The following CARM1 variants were observed in gnomAD, a reference collection of about 807,000 sequenced individuals.
CARM1 encodes histone-arginine methyltransferase CARM1.
In CARM1, 14 loss-of-function variants were observed where a neutral mutation model predicts 72.7. The observed-to-expected ratio is 0.19, with a 90% CI of 0.13 to 0.30. The LOEUF is 0.30. CARM1 is among the 10% of genes least tolerant of loss of function. CARM1 has a pLI of 1.00. For missense variants in CARM1, 432 were observed against 833.7 expected, an observed-to-expected ratio of 0.52 and a Z score of 5.93; for synonymous variants, 333 against 345.5, an observed-to-expected ratio of 0.96 and a Z score of 0.40.
chr19:10,919,240 T>C (rs1167004445), intron 8 of CARM1: 1 of 215,800 alleles, frequency 4.6e-6, no homozygotes, highest in Non-Finnish European at 9.2e-6. Flanking sequence ...CACGTCCGCA[T>C]GGTCTTTGAT....
intron 1 of CARM1, among the ~76,000 whole-genome samples, chr19:10,890,774 CATATATATAT>C (rs1396281380): frequency 3.1e-5 from 2 of 63,614 alleles, no homozygotes; most frequent in African/African-American, 1.4e-4. Flanking sequence ...TACACACACA[CATATATATAT>C]ATATATATAT....
At chr19:10,872,381 G>A (rs912950649) in intron 1 of CARM1, among the ~76,000 whole-genome samples, 4 of 152,114 alleles carry the variant, frequency 2.6e-5, no homozygotes, top group African/African-American at 4.8e-5. Flanking sequence ...GGGACCCCCT[G>A]GATAGCTCAG....
rs780073853 is a variant in CARM1 at position 10,916,261 on chromosome 19, G to A, written c.848-146G>A. 1.5e-5 allele frequency: 9 copies of A among 611,158 alleles called. No homozygotes were observed. The highest frequency in any genetic ancestry group is 2.8e-5 in the East Asian group (1 of 36,194). The allele number at this position is 611,158 out of a possible 1,614,324, so 37.9% of individuals were successfully genotyped here. A position where few individuals can be genotyped will look rare whatever the true frequency, so the allele number is the denominator to read the frequency against. ...GAAACACTGATCAGAATAGGCGCTCGGTGCCACTGTCACAGGAGTGCAGGA... is the reference window on the plus strand; with the variant it reads ...GAAACACTGATCAGAATAGGCGCTCAGTGCCACTGTCACAGGAGTGCAGGA... On this transcript the variant is annotated intron_variant, in intron 6 of 15. Transcript: ENST00000327064. The surrounding 1 kb of genome is among the most constrained non-coding windows in gnomAD (Gnocchi z 4.4).
At chr19:10,872,733 G>A (rs1162060471) in intron 1 of CARM1, among the ~76,000 whole-genome samples, 1 of 150,252 alleles carries the variant, frequency 6.7e-6, no homozygotes, top group Non-Finnish European at 1.5e-5. Context: ...CCCCACCCCC[G>A]CTCCCAGTCT....
At chr19:10,882,022 C>T (rs140828480) in intron 1 of CARM1, among the ~76,000 whole-genome samples, 16 of 152,226 alleles carry the variant, frequency 1.1e-4, no homozygotes, top group South Asian at 2.1e-4. Context: ...AGGGCAGAGT[C>T]GTGCTTGTGG....
chr19:10,892,913 T>A (rs1451428040), intron 1 of CARM1, among the ~76,000 whole-genome samples: 2 of 152,000 alleles, frequency 1.3e-5, no homozygotes, highest in Non-Finnish European at 2.9e-5. Context: ...TTTGTATTTT[T>A]CGGTAAAGAT....
chr19:10,916,569 G>A lies in CARM1; in HGVS notation c.938+72G>A. ...TCAGGGACAGCCCCAGCTCCCCAGA[G>A]AGCCTGCACTCCTCTTTTTCTGAAA... On this transcript the variant is annotated intron_variant, in intron 7 of 15. Coordinates refer to ENST00000327064, the MANE Select transcript of CARM1 (RefSeq NM_199141.2). This position sits in a 1 kb window ranked among gnomAD's most constrained non-coding sequence, Gnocchi z 4.4. 1 of 1,416,304 alleles carries A rather than the reference G, an allele frequency of 7.1e-7. No individual in the cohort carries two copies. The highest frequency in any genetic ancestry group is 9.9e-7 in the Non-Finnish European group (1 of 1,007,522). The allele number at this position is 1,416,304 out of a possible 1,614,324, so 87.7% of individuals were successfully genotyped here.
chr19:10,908,094 G>C lies in CARM1; in HGVS notation c.402G>C (p.Arg134=), dbSNP rs1045229153. 1.9e-6 allele frequency: 3 copies of C among 1,614,106 alleles called. No homozygotes were observed. The Middle Eastern group carries it at 4.9e-4, about 266-fold the overall frequency. ...CCTGCCGGGGCCACACCCTGGAGCG[G>C]TCTGTGTTCAGCGAGCGGACGGAGG... is the stretch of plus-strand genomic sequence containing the variant. ...LKTCRGHTLE[R]SVFSERTEES... Residue 134 remains arginine, a synonymous_variant, in exon 3 of 16, where the codon CGG becomes CGC. Transcript: ENST00000327064.
chr19:10,874,384 T>A (rs576094169), intron 1 of CARM1, among the ~76,000 whole-genome samples: 1 of 152,066 alleles, frequency 6.6e-6, no homozygotes, highest in Non-Finnish European at 1.5e-5. Flanking sequence ...CTTTTTTATT[T>A]TTTTTATTTT....
intron 1 of CARM1, among the ~76,000 whole-genome samples, chr19:10,873,722 C>T (rs1187657373): frequency 7.7e-6 from 1 of 129,926 alleles, no homozygotes; most frequent in Non-Finnish European, 1.6e-5. Context: ...TCACTGCAAG[C>T]TCTGCCACCT....
chr19:10,913,644 C>T (rs772070455), intron 5 of CARM1, among the ~76,000 whole-genome samples: 3 of 152,172 alleles, frequency 2.0e-5, no homozygotes, highest in Non-Finnish European at 4.4e-5. Flanking sequence ...AGCAGTCCGC[C>T]TGCCTCGGCC....
intron 2 of CARM1, among the ~76,000 whole-genome samples, chr19:10,905,942 CTTTTTTTTTT>C (rs35328638): frequency 5.8e-5 from 6 of 103,444 alleles, no homozygotes; most frequent in Non-Finnish European, 9.5e-5. Flanking sequence ...TGCCCGGCCC[CTTTTTTTTTT>C]TTTTTTTTTT....
At chr19:10,898,045 C>T (rs1020904215) in intron 1 of CARM1, among the ~76,000 whole-genome samples, 1 of 150,782 alleles carries the variant, frequency 6.6e-6, no homozygotes, top group Admixed American at 6.6e-5. Flanking sequence ...GGAGTGGAGC[C>T]TGCAGTGAGC....
At chr19:10,906,890 A>ATTTTT (rs2074108642) in intron 2 of CARM1, among the ~76,000 whole-genome samples, 1 of 144,100 alleles carries the variant, frequency 6.9e-6, no homozygotes, top group Admixed American at 7.0e-5. Flanking sequence ...ATTTTATTTT[A>ATTTTT]TTTTATTTTA....
At chr19:10,908,295 C>T in intron 3 of CARM1, 150 bp downstream of exon 3, 1 of 596,402 alleles carries the variant, frequency 1.7e-6, no homozygotes, top group South Asian at 2.0e-5. Context: ...GGCAGGTTTC[C>T]TCTGCTGGCT....
chr19:10,881,428 G>A (rs2073901494), intron 1 of CARM1, among the ~76,000 whole-genome samples: 1 of 152,210 alleles, frequency 6.6e-6, no homozygotes, highest in African/African-American at 2.4e-5. Flanking sequence ...GCTGGTAAGG[G>A]ATTGGGGGCT....
intron 1 of CARM1, among the ~76,000 whole-genome samples, chr19:10,884,761 G>A (rs1399745647): frequency 2.0e-5 from 3 of 152,066 alleles, no homozygotes; most frequent in Non-Finnish European, 4.4e-5. Flanking sequence ...CTGGAGTGCA[G>A]TAGCGTGATC....
chr19:10,885,780 G>C (rs1401976419), intron 1 of CARM1, among the ~76,000 whole-genome samples: 1 of 151,848 alleles, frequency 6.6e-6, no homozygotes, highest in East Asian at 1.9e-4. Flanking sequence ...GGAGCCCCTA[G>C]ATGCAGGATG....
chr19:10,922,100 T>G lies in CARM1; in HGVS notation c.*343T>G. 2 of 195,736 alleles carry G rather than the reference T, an allele frequency of 1.0e-5. No individual in the cohort carries two copies. The highest frequency in any genetic ancestry group is 1.0e-5 in the Non-Finnish European group (1 of 96,872). 12.1% of individuals were successfully genotyped at this position (195,736 alleles called of 1,614,324 possible). A position where few individuals can be genotyped will look rare whatever the true frequency, so the allele number is the denominator to read the frequency against. On this transcript the variant is annotated 3_prime_UTR_variant, in exon 16 of 16. Transcript: ENST00000327064. ...CCTGCCTGCCAGGTCCCTTAGCACCTGTCCCCCTGCCTGTCTCCAGTGGGA... is the reference window on the plus strand; with the variant it reads ...CCTGCCTGCCAGGTCCCTTAGCACCGGTCCCCCTGCCTGTCTCCAGTGGGA...
Sources: gnomAD v4.1 joint callset for allele counts (sites outside exome capture counted in the v4.1 genomes callset) on GRCh38, gnomAD v4.1.1 for gene constraint, Gnocchi (gnomAD v3.1) non-coding constraint, MANE v1.5 for transcripts, NCBI Gene and HGNC (gene_info 2026-07-23, HGNC 2026-07-21) for gene names.